The following ASIC2 variants were observed in gnomAD, a reference collection of about 807,000 sequenced individuals.
ASIC2 encodes the protein acid sensing ion channel subunit 2.
ASIC2 carries 25 observed loss-of-function variants against 57.3 expected under a neutral mutation model. The observed-to-expected ratio is 0.44, with a 90% CI of 0.32 to 0.61. ASIC2 has a LOEUF of 0.61. Ranked by LOEUF, ASIC2 falls within the 20% of genes least tolerant of loss-of-function variation. The pLI is 0.06. For missense variants in ASIC2, 641 were observed against 738.1 expected, an observed-to-expected ratio of 0.87 and a Z score of 1.52; for synonymous variants, 319 against 307.5, an observed-to-expected ratio of 1.04 and a Z score of -0.39.
chr17:33,809,046 C>A (rs772432970), intron 1 of ASIC2, among the ~76,000 whole-genome samples: 1 of 152,224 alleles, frequency 6.6e-6, no homozygotes, highest in African/African-American at 2.4e-5. Flanking sequence ...AAGTTACGTT[C>A]TCTGCTACTC....
At chr17:33,540,997 A>G (rs1915390700) in intron 1 of ASIC2, among the ~76,000 whole-genome samples, 1 of 152,136 alleles carries the variant, frequency 6.6e-6, no homozygotes, top group African/African-American at 2.4e-5. Flanking sequence ...AGAATCCTTC[A>G]TTACATTCGC....
At chr17:33,075,802 G>T (rs181354105) in intron 3 of ASIC2, among the ~76,000 whole-genome samples, 10 of 152,282 alleles carry the variant, frequency 6.6e-5, no homozygotes, top group Admixed American at 5.9e-4. Flanking sequence ...CAAGCAAAAG[G>T]CATGGAAGTG....
intron 1 of ASIC2, among the ~76,000 whole-genome samples, chr17:33,846,932 A>C (rs1031764932): frequency 1.3e-5 from 2 of 151,946 alleles, no homozygotes; most frequent in Admixed American, 1.3e-4. Context: ...AGAAAACCAC[A>C]ATTTTCAAAC....
intron 1 of ASIC2, among the ~76,000 whole-genome samples, chr17:33,951,443 C>T (rs897535086): frequency 2.6e-5 from 4 of 152,204 alleles, no homozygotes; most frequent in Non-Finnish European, 5.9e-5. Flanking sequence ...CCATGGTCCC[C>T]GTTCCTTTAT....
intron 1 of ASIC2, among the ~76,000 whole-genome samples, chr17:34,050,020 G>A (rs1908495374): frequency 6.6e-6 from 1 of 152,214 alleles, no homozygotes; most frequent in South Asian, 2.1e-4. Flanking sequence ...AAACAGATTA[G>A]AAGAAGGTAT....
chr17:33,719,775 C>T lies in ASIC2; in HGVS notation c.555+436203G>A, dbSNP rs185488825. On this transcript the variant is annotated intron_variant, in intron 1 of 9. Transcript: ENST00000359872. The stretch of plus-strand genomic sequence containing the variant: ...TGGCGGTTTGTGCAGGGCTGGGGAG[C>T]TTCAGTGCTATTGCCCTTCCTATCC... Among the ~76,000 whole-genome samples, 17 of 152,316 alleles carry T rather than the reference C, an allele frequency of 1.1e-4. 1 individual carries two copies. The East Asian group carries it at 3.1e-3, about 28-fold the overall frequency.
At chr17:33,232,338 C>T (rs1019362766) in intron 1 of ASIC2, among the ~76,000 whole-genome samples, 1 of 152,038 alleles carries the variant, frequency 6.6e-6, no homozygotes, top group South Asian at 2.1e-4. Flanking sequence ...GTCTCCAAAT[C>T]TGTGAGAAAA....
intron 1 of ASIC2, among the ~76,000 whole-genome samples, chr17:33,391,478 C>T (rs1041915570): frequency 9.9e-5 from 15 of 152,210 alleles, no homozygotes; most frequent in African/African-American, 3.6e-4. Context: ...TCTTAGTCCT[C>T]CCCCTGCACT....
intron 1 of ASIC2, among the ~76,000 whole-genome samples, chr17:33,175,098 C>T (rs971802198): frequency 3.3e-5 from 5 of 152,136 alleles, no homozygotes; most frequent in South Asian, 2.1e-4. Context: ...CTAATGAATA[C>T]GAGATGGCTT....
intron 1 of ASIC2, among the ~76,000 whole-genome samples, chr17:33,359,969 T>C (rs1418688842): frequency 6.6e-6 from 1 of 152,190 alleles, no homozygotes; most frequent in Non-Finnish European, 1.5e-5. Flanking sequence ...TTTTATCTTA[T>C]TTAAGCCAGT....
At chr17:34,099,729 A>T (rs1195980450) in intron 1 of ASIC2, among the ~76,000 whole-genome samples, 2 of 119,588 alleles carry the variant, frequency 1.7e-5, no homozygotes, top group Non-Finnish European at 3.4e-5. Flanking sequence ...AAAGAAGGAA[A>T]GAAGGAAAGA....
chr17:33,823,734 A>C (rs559348208), intron 1 of ASIC2, among the ~76,000 whole-genome samples: 1 of 152,334 alleles, frequency 6.6e-6, no homozygotes, highest in Non-Finnish European at 1.5e-5. Flanking sequence ...GATAGAAGGC[A>C]GATCTGGGTA....
At chr17:33,841,789 A>G (rs1913445656) in intron 1 of ASIC2, among the ~76,000 whole-genome samples, 1 of 152,186 alleles carries the variant, frequency 6.6e-6, no homozygotes, top group Non-Finnish European at 1.5e-5. Context: ...TCAAATCCCT[A>G]TCAACCTCAA....
chr17:33,898,005 C>G (rs1915138973), intron 1 of ASIC2, among the ~76,000 whole-genome samples: 1 of 152,128 alleles, frequency 6.6e-6, no homozygotes, highest in African/African-American at 2.4e-5. Flanking sequence ...AGCAATATGT[C>G]CTGGGTGAAT....
intron 1 of ASIC2, among the ~76,000 whole-genome samples, chr17:33,853,677 G>C (rs1008220225): frequency 6.6e-6 from 1 of 152,132 alleles, no homozygotes; most frequent in Admixed American, 6.5e-5. Flanking sequence ...GACCAACGTG[G>C]GAGGATAAGA....
intron 1 of ASIC2, among the ~76,000 whole-genome samples, chr17:33,391,213 G>A (rs1909877077): frequency 1.3e-5 from 2 of 152,190 alleles, no homozygotes; most frequent in Admixed American, 6.5e-5. Context: ...CCTTCCAGAA[G>A]GGATAGGATT....
chr17:33,428,376 A>G (rs1911289203), intron 1 of ASIC2, among the ~76,000 whole-genome samples: 1 of 152,222 alleles, frequency 6.6e-6, no homozygotes, highest in African/African-American at 2.4e-5. Context: ...GAACCACTGC[A>G]TTAGAGAATC....
At chr17:33,605,089 C>A (rs1178359063) in intron 1 of ASIC2, among the ~76,000 whole-genome samples, 6 of 152,194 alleles carry the variant, frequency 3.9e-5, no homozygotes, top group Admixed American at 2.6e-4. Context: ...GAAATCCTGA[C>A]ACTCTGACAG....
chr17:33,961,200 T>C (rs9906893), intron 1 of ASIC2, among the ~76,000 whole-genome samples: 59,018 of 152,006 alleles, frequency 0.39, 12,261 homozygotes, highest in African/African-American at 0.53. Context: ...AAAAGAATCT[T>C]TAAAGAGACA....
Sources: allele counts gnomAD v4.1 joint callset (sites outside exome capture counted in the v4.1 genomes callset), GRCh38; gene constraint gnomAD v4.1.1; transcripts MANE v1.5; gene names NCBI Gene and HGNC (gene_info 2026-07-23, HGNC 2026-07-21).